The following SCLT1 variants were observed in gnomAD, a reference collection of about 807,000 sequenced individuals.
SCLT1 encodes the protein sodium channel-associated protein 1.
SCLT1 carries 78 observed loss-of-function variants against 112.8 expected under a neutral mutation model. The ratio of observed to expected loss-of-function variants is 0.69; its 90% CI spans 0.58 to 0.83. The LOEUF is 0.83. Among genes scored for constraint, SCLT1 ranks in the 40% least tolerant of loss-of-function variants. The pLI is 0.00. For missense variants in SCLT1, 747 were observed against 770.4 expected, an observed-to-expected ratio of 0.97 and a Z score of 0.36; for synonymous variants, 257 against 254.7, an observed-to-expected ratio of 1.01 and a Z score of -0.09.
intron 6 of SCLT1, among the ~76,000 whole-genome samples, chr4:129,002,598 A>C (rs751202323): frequency 7.9e-5 from 12 of 152,196 alleles, no homozygotes; most frequent in African/African-American, 9.7e-5. Context: ...CAAGAAAAAA[A>C]CAAACCCATC....
At chr4:128,951,886 C>T (rs948725440) in intron 14 of SCLT1, among the ~76,000 whole-genome samples, 1 of 152,078 alleles carries the variant, frequency 6.6e-6, no homozygotes, top group African/African-American at 2.4e-5. Context: ...GATTAAGATC[C>T]CGTCATGTGC....
At chr4:128,938,795 A>T (rs541937323) in intron 17 of SCLT1, among the ~76,000 whole-genome samples, 7 of 152,310 alleles carry the variant, frequency 4.6e-5, no homozygotes, top group East Asian at 3.9e-4. Flanking sequence ...CAGCCTGGCC[A>T]ACATGGTGAA....
intron 18 of SCLT1, among the ~76,000 whole-genome samples, chr4:128,898,299 A>C (rs1025902563): frequency 1.3e-5 from 2 of 152,256 alleles, no homozygotes; most frequent in African/African-American, 4.8e-5. Context: ...CAAATGTAAA[A>C]GAGCAGAAAT....
chr4:129,088,032 A>G (rs1166293370), intron 1 of SCLT1, among the ~76,000 whole-genome samples: 1 of 151,762 alleles, frequency 6.6e-6, no homozygotes, highest in Non-Finnish European at 1.5e-5. Flanking sequence ...GGCTGCAAAG[A>G]GCCGTGATTG....
chr4:128,994,728 T>A (rs1732488260), intron 8 of SCLT1, among the ~76,000 whole-genome samples: 1 of 152,140 alleles, frequency 6.6e-6, no homozygotes, highest in African/African-American at 2.4e-5. Flanking sequence ...AGGTGATACA[T>A]CATTGTAGTT....
chr4:129,073,535 G>A (rs2592948), intron 2 of SCLT1, among the ~76,000 whole-genome samples: 81,347 of 151,886 alleles, frequency 0.54, 24,622 homozygotes, highest in South Asian at 0.68. Flanking sequence ...TCATTTATAT[G>A]GGTTTCCTGA....
intron 18 of SCLT1, among the ~76,000 whole-genome samples, chr4:128,924,954 T>TTTCTCTCTTTCAACTTCCTTCCCTTTCG (rs1736176500): frequency 2.0e-5 from 3 of 151,854 alleles, no homozygotes; most frequent in Non-Finnish European, 2.9e-5. Context: ...CTTCCCTTTC[T>TTTCTCTCTTTCAACTTCCTTCCCTTTCG]CCCTCACTCC....
rs142203828 is a variant in SCLT1, at chr4:128,993,865, AC to A, written c.616-1629del. Among the ~76,000 whole-genome samples, 570 of 152,188 alleles carry A rather than the reference AC, an allele frequency of 3.7e-3. 1 individual carries two copies. Among genetic ancestry groups the A allele is most frequent in the African/African-American group, 0.011 (473 of 41,570 alleles). ...TATAGAGATGAGCAAATCTTAAAAA[AC>A]ATTTCAGTAAAGCAAACCTATGGGA... On this transcript the variant is annotated intron_variant, in intron 8 of 20. Coordinates refer to ENST00000281142, the MANE Select transcript of SCLT1 (RefSeq NM_144643.4).
intron 14 of SCLT1, among the ~76,000 whole-genome samples, chr4:128,949,110 T>C (rs1738461533): frequency 6.6e-6 from 1 of 152,172 alleles, no homozygotes; most frequent in Non-Finnish European, 1.5e-5. Context: ...ATAATAAAAT[T>C]TAACATTTTG....
chr4:128,962,319 T>C (rs1326653781), intron 11 of SCLT1, among the ~76,000 whole-genome samples: 1 of 152,256 alleles, frequency 6.6e-6, no homozygotes, highest in Admixed American at 6.5e-5. Flanking sequence ...TAGTCTGACA[T>C]ATTATGTGAA....
chr4:128,881,078 C>T (rs142570992), downstream of SCLT1, among the ~76,000 whole-genome samples: 1,096 of 152,062 alleles, frequency 7.2e-3, 5 homozygotes, highest in Non-Finnish European at 0.011. Flanking sequence ...TATTTTTCTT[C>T]GTTATATAAA....
intron 12 of SCLT1, among the ~76,000 whole-genome samples, chr4:128,958,262 A>C (rs1193482328): frequency 6.6e-6 from 1 of 152,140 alleles, no homozygotes; most frequent in Non-Finnish European, 1.5e-5. Context: ...ACCTTAAACA[A>C]GTAAGCTAGT....
intron 1 of SCLT1, among the ~76,000 whole-genome samples, chr4:129,083,638 C>T (rs566243746): frequency 6.6e-6 from 1 of 151,948 alleles, no homozygotes; most frequent in South Asian, 2.1e-4. Context: ...ACGCTCCAGC[C>T]TGGGCAACAG....
intron 12 of SCLT1, among the ~76,000 whole-genome samples, chr4:128,957,836 CTTG>C (rs1300963669): frequency 3.3e-5 from 5 of 152,036 alleles, no homozygotes; most frequent in East Asian, 1.9e-4. Flanking sequence ...CTTTCCTCTC[CTTG>C]TTGTACTTTC....
At chr4:129,066,977 T>TA (rs1750544648) in intron 2 of SCLT1, among the ~76,000 whole-genome samples, 1 of 152,142 alleles carries the variant, frequency 6.6e-6, no homozygotes. Context: ...CTGCGATATT[T>TA]AATTTCTTAA....
At chr4:128,968,446 T>C (rs1054526560) in intron 10 of SCLT1, among the ~76,000 whole-genome samples, 1 of 152,168 alleles carries the variant, frequency 6.6e-6, no homozygotes, top group Non-Finnish European at 1.5e-5. Context: ...AGTTCTCAAT[T>C]AAAATTATCT....
At chr4:128,956,765 A>G (rs1339982206) in intron 13 of SCLT1, among the ~76,000 whole-genome samples, 1 of 151,920 alleles carries the variant, frequency 6.6e-6, no homozygotes, top group Non-Finnish European at 1.5e-5. Flanking sequence ...ACAGATAAAG[A>G]AAAAAAAGGA....
At chr4:129,041,604 T>C (rs983553876) in intron 4 of SCLT1, among the ~76,000 whole-genome samples, 5 of 152,200 alleles carry the variant, frequency 3.3e-5, no homozygotes, top group Non-Finnish European at 2.9e-5. Context: ...GCCTACTATG[T>C]GCTACACTTG....
intron 18 of SCLT1, among the ~76,000 whole-genome samples, chr4:128,891,624 G>A (rs1054899355): frequency 1.3e-5 from 2 of 149,310 alleles, no homozygotes; most frequent in Non-Finnish European, 3.0e-5. Context: ...AAGCTACTGT[G>A]CTTCTTAGCT....
Sources: allele counts gnomAD v4.1 joint callset (sites outside exome capture counted in the v4.1 genomes callset), GRCh38; gene constraint gnomAD v4.1.1; transcripts MANE v1.5; gene names NCBI Gene and HGNC (gene_info 2026-07-23, HGNC 2026-07-21).